CASP4: variants seen among roughly 807,000 people sequenced by gnomAD.
CASP4 encodes the protein caspase 4.
In CASP4, 29 loss-of-function variants were observed where a neutral mutation model predicts 41.3. The ratio of observed to expected loss-of-function variants is 0.70; its 90% CI spans 0.52 to 0.96. The LOEUF is 0.96. Ranked by LOEUF, CASP4 falls within the 40% of genes least tolerant of loss-of-function variation. The pLI, the probability that CASP4 is intolerant of heterozygous loss-of-function variation, is 0.00. For synonymous variants in CASP4, 185 were observed against 158.4 expected (o/e 1.17, Z -1.26); for missense variants, 447 against 460.6 (o/e 0.97, Z 0.27).
Position 104,948,582 on chromosome 11 carries a change from G to A in CASP4, c.876C>T (p.Tyr292=), listed in dbSNP as rs759064004. 1 of 1,611,436 alleles carries A rather than the reference G, an allele frequency of 6.2e-7. No homozygotes were observed. Among genetic ancestry groups the A allele is most frequent in the Admixed American group, 1.7e-5 (1 of 59,858 alleles). ...TGAAGTCCTTCTCCACGTGGGTCTT[G>A]TAAACAGCATCTTCCTCTAGGTTCT... ...SSENLEEDAV[Y]KTHVEKDFIA... Residue 292 remains tyrosine (Y), a synonymous_variant, in exon 6 of 9, where the codon TAC becomes TAT. Transcript: ENST00000444739.
chr11:104,952,817 G>T (rs1860647984), intron 2 of CASP4, among the ~76,000 whole-genome samples: 1 of 152,170 alleles, frequency 6.6e-6, no homozygotes, highest in Non-Finnish European at 1.5e-5. Flanking sequence ...GATGTAACAA[G>T]TTGTAAGAGT....
At chr11:104,962,265 G>A (rs1423325008) in intron 1 of CASP4, among the ~76,000 whole-genome samples, 1 of 152,062 alleles carries the variant, frequency 6.6e-6, no homozygotes, top group Non-Finnish European at 1.5e-5. Context: ...ACAGAGAAAA[G>A]GCACCCAGAA....
intron 1 of CASP4, among the ~76,000 whole-genome samples, 195 bp from the exon 2 acceptor site, chr11:104,955,196 CT>C (rs1860710862): frequency 6.6e-6 from 1 of 152,070 alleles, no homozygotes; most frequent in Non-Finnish European, 1.5e-5. Context: ...CCACTAAATA[CT>C]TTTTATTTTC....
At chr11:104,960,243 C>G (rs537675078) in intron 1 of CASP4, among the ~76,000 whole-genome samples, 1 of 152,224 alleles carries the variant, frequency 6.6e-6, no homozygotes. Context: ...CAAGTCTCTA[C>G]TTAGGGATCT....
intron 1 of CASP4, chr11:104,956,751 C>T (rs143088040): frequency 7.1e-6 from 3 of 420,844 alleles, no homozygotes; most frequent in African/African-American, 2.1e-5. Flanking sequence ...GATGTTGCAA[C>T]ACAGTGTGAT....
At chr11:104,947,779 T>C (rs1012463017) in intron 6 of CASP4, 2 of 152,192 alleles carry the variant, frequency 1.3e-5, no homozygotes, top group Non-Finnish European at 2.9e-5. Flanking sequence ...TTGAAATTTG[T>C]TAAGAGAGTA....
At chr11:104,947,352 A>G in intron 6 of CASP4, 160 bp from the exon 7 acceptor site, 1 of 432,574 alleles carries the variant, frequency 2.3e-6, no homozygotes, top group Non-Finnish European at 4.1e-6. Flanking sequence ...CCTACTTTCC[A>G]CAGAACGTAA....
intron 1 of CASP4, among the ~76,000 whole-genome samples, chr11:104,966,597 G>T (rs34071659): frequency 0.16 from 24,259 of 152,110 alleles, 2,194 homozygotes; most frequent in African/African-American, 0.23. Context: ...AAAACTAGGA[G>T]CTGGTCTTTT....
intron 1 of CASP4, among the ~76,000 whole-genome samples, chr11:104,960,477 T>C (rs1472967266): frequency 6.6e-6 from 1 of 152,114 alleles, no homozygotes; most frequent in Non-Finnish European, 1.5e-5. Flanking sequence ...TATGTATTTA[T>C]ATATTTTTGT....
intron 1 of CASP4, among the ~76,000 whole-genome samples, chr11:104,963,905 G>T (rs183634258): frequency 6.6e-6 from 1 of 152,094 alleles, no homozygotes; most frequent in South Asian, 2.1e-4. Flanking sequence ...GAAAAAAAAT[G>T]CATGCTTTCC....
At chr11:104,946,263 C>T (rs984276349) in intron 7 of CASP4, among the ~76,000 whole-genome samples, 2 of 152,158 alleles carry the variant, frequency 1.3e-5, no homozygotes, top group Non-Finnish European at 2.9e-5. Flanking sequence ...TAATACCAAT[C>T]CCATTTTCTC....
At position 104,961,214 on chromosome 11, in the gene CASP4, T is replaced by A. The variant is rs56032950; in HGVS notation, c.8-6213A>T. 6.9e-3 allele frequency among the ~76,000 whole-genome samples: 1,047 copies of A among 152,352 alleles called. 11 individuals carry two copies. Among genetic ancestry groups the A allele is most frequent in the African/African-American group, 0.024 (990 of 41,580 alleles). On this transcript the variant is annotated intron_variant, in intron 1 of 8. Transcript: ENST00000444739. ...GCAGGCACTGCCAACCCAATGTGCA[T>A]GCATTTAATTGCAACGGAGAAATAA...
chr11:104,945,578 C>T (rs1860438570), intron 7 of CASP4, among the ~76,000 whole-genome samples: 2 of 151,998 alleles, frequency 1.3e-5, no homozygotes, highest in South Asian at 2.1e-4. Flanking sequence ...CTTTAAGACC[C>T]AAACACTGAA....
chr11:104,958,946 G>T (rs1242923738), intron 1 of CASP4, among the ~76,000 whole-genome samples: 2 of 109,230 alleles, frequency 1.8e-5, no homozygotes, highest in African/African-American at 3.6e-5. Context: ...AGGCAACAGA[G>T]TGAGACTCTG....
At chr11:104,948,291 A>C in intron 6 of CASP4, 1 of 306,240 alleles carries the variant, frequency 3.3e-6, no homozygotes, top group East Asian at 5.3e-5. Flanking sequence ...TAAAATGTTA[A>C]ATGGGCTTAA....
At chr11:104,944,984 C>T in intron 7 of CASP4, 133 bp from the exon 8 acceptor site, 1 of 658,664 alleles carries the variant, frequency 1.5e-6, no homozygotes, top group South Asian at 1.8e-5. Flanking sequence ...CATGGGCATT[C>T]TAACTCCTCA....
At chr11:104,964,804 T>C (rs1177032720) in intron 1 of CASP4, among the ~76,000 whole-genome samples, 2 of 152,188 alleles carry the variant, frequency 1.3e-5, no homozygotes, top group Admixed American at 6.5e-5. Context: ...CATAGGTATT[T>C]AAGGGTACAA....
At position 104,944,802 on chromosome 11, in the gene CASP4, A is replaced by G. The variant is rs771788031; in HGVS notation, c.1085T>C (p.Ile362Thr). 1.9e-6 allele frequency: 3 copies of G among 1,613,764 alleles called. No individual in the cohort carries two copies. The highest frequency in any genetic ancestry group is 1.7e-5 in the Admixed American group (1 of 59,982). ...ATATCTTGTCATGGACAGTCGTTCT[A>G]TGGTGGGCATTTGAGCTTTGGCCCT... Reference protein sequence around the residue: ...TPRAKAQMPTIERLSMTRYFY... With the variant: ...TPRAKAQMPTTERLSMTRYFY... Residue 362 changes from isoleucine (I) to threonine (T), a missense_variant, in exon 8 of 9, where the codon ATA becomes ACA. Transcript: ENST00000444739.
rs372455137 is a variant in CASP4, at chr11:104,951,135, C to A, written c.373-37G>T. 3.1e-6 allele frequency: 5 copies of A among 1,590,428 alleles called. No individual in the cohort carries two copies. In the African/African-American group the frequency reaches 5.4e-5, roughly 17 times the overall value. On this transcript the variant is annotated intron_variant, in intron 3 of 8. Transcript: ENST00000444739. ...GGAGATGCAATAAATTTAATTTACTCAAGTCTCCTTTCAGCCTCCTTATGC... is the reference window on the plus strand; with the variant it reads ...GGAGATGCAATAAATTTAATTTACTAAAGTCTCCTTTCAGCCTCCTTATGC...
Sources: gnomAD v4.1 joint callset for allele counts (sites outside exome capture counted in the v4.1 genomes callset) on GRCh38, gnomAD v4.1.1 for gene constraint, MANE v1.5 for transcripts, NCBI Gene and HGNC (gene_info 2026-07-23, HGNC 2026-07-21) for gene names.